KCNIP4: variants seen among roughly 807,000 people sequenced by gnomAD.
KCNIP4 encodes Kv channel-interacting protein 4.
Under a neutral mutation model 34.0 loss-of-function variants are expected in KCNIP4, and 12 were observed. The observed-to-expected ratio is 0.35, with a 90% CI of 0.23 to 0.57. KCNIP4 has a LOEUF of 0.57. KCNIP4 is among the 20% of genes least tolerant of loss of function. KCNIP4 has a pLI of 0.83. For synonymous variants in KCNIP4, 124 were observed against 102.2 expected (o/e 1.21, Z -1.29); for missense variants, 238 against 311.7 (o/e 0.76, Z 1.78).
intron 1 of KCNIP4, among the ~76,000 whole-genome samples, chr4:20,941,831 A>C (rs1234810360): frequency 1.3e-5 from 2 of 152,200 alleles, no homozygotes; most frequent in African/African-American, 2.4e-5. Flanking sequence ...TATTACAATA[A>C]ATTTTCATCC....
At chr4:21,326,637 C>A (rs1715095103) in intron 1 of KCNIP4, among the ~76,000 whole-genome samples, 1 of 151,452 alleles carries the variant, frequency 6.6e-6, no homozygotes, top group Admixed American at 6.6e-5. Context: ...CATTTACATT[C>A]AAGGTTATCA....
chr4:21,586,801 T>C (rs1273561241), intron 1 of KCNIP4, among the ~76,000 whole-genome samples: 1 of 151,986 alleles, frequency 6.6e-6, no homozygotes, highest in Non-Finnish European at 1.5e-5. Context: ...GATTCTTCCA[T>C]AGTAAGGGAA....
intron 1 of KCNIP4, among the ~76,000 whole-genome samples, chr4:21,687,652 G>T (rs1040321748): frequency 6.6e-6 from 1 of 152,208 alleles, no homozygotes; most frequent in Admixed American, 6.5e-5. Flanking sequence ...GTGTGGGACA[G>T]TTTGGATTTG....
At chr4:21,038,055 G>A (rs1741611381) in intron 1 of KCNIP4, among the ~76,000 whole-genome samples, 1 of 152,126 alleles carries the variant, frequency 6.6e-6, no homozygotes. Context: ...GCAGCTCACT[G>A]CAACCTCTAC....
chr4:21,135,955 T>C (rs1751465109), intron 1 of KCNIP4, among the ~76,000 whole-genome samples: 1 of 152,224 alleles, frequency 6.6e-6, no homozygotes, highest in South Asian at 2.1e-4. Flanking sequence ...TAATTGGCAG[T>C]CAGTCATAAC....
chr4:21,222,177 C>A (rs1758026536), intron 1 of KCNIP4, among the ~76,000 whole-genome samples: 1 of 152,132 alleles, frequency 6.6e-6, no homozygotes, highest in Non-Finnish European at 1.5e-5. Context: ...AGGATAACCC[C>A]AAAGAGATAA....
intron 3 of KCNIP4, among the ~76,000 whole-genome samples, chr4:20,777,064 T>G (rs1756437989): frequency 6.6e-6 from 1 of 152,220 alleles, no homozygotes; most frequent in Non-Finnish European, 1.5e-5. Flanking sequence ...GGTGTGTTAG[T>G]TCATTCTCAG....
intron 1 of KCNIP4, among the ~76,000 whole-genome samples, chr4:21,073,250 T>G (rs1745148080): frequency 6.6e-6 from 1 of 152,230 alleles, no homozygotes; most frequent in Non-Finnish European, 1.5e-5. Flanking sequence ...ATGGCCATTT[T>G]CATGATATTG....
intron 1 of KCNIP4, among the ~76,000 whole-genome samples, chr4:21,484,257 C>T (rs1577441236): frequency 6.6e-6 from 1 of 151,692 alleles, no homozygotes; most frequent in Admixed American, 6.6e-5. Context: ...TGAAACCCCA[C>T]CTCTAGTACA....
rs556634917 is a variant in KCNIP4 at position 21,603,698 on chromosome 4, T to TA, written c.61+344872dup. Reference sequence around the variant, plus strand: ...GACAATTAAAAGTAAGTAGCAATGATAAAAAAAAAAATCCAGTTAAATGAA... The same window carrying TA: ...GACAATTAAAAGTAAGTAGCAATGATAAAAAAAAAAAATCCAGTTAAATGAA... On this transcript the variant is annotated intron_variant, in intron 1 of 8. Transcript: ENST00000382152. Among the ~76,000 whole-genome samples, 1,190 of 148,662 alleles carry TA rather than the reference T, an allele frequency of 8.0e-3. 22 individuals are homozygous for TA. Among genetic ancestry groups the TA allele is most frequent in the South Asian group, 0.06 (286 of 4,732 alleles).
At chr4:21,199,237 G>A (rs1433283643) in intron 1 of KCNIP4, among the ~76,000 whole-genome samples, 2 of 152,154 alleles carry the variant, frequency 1.3e-5, no homozygotes, top group African/African-American at 4.8e-5. Flanking sequence ...AGCATCTGTT[G>A]TTTCCTGACT....
intron 1 of KCNIP4, among the ~76,000 whole-genome samples, chr4:21,469,556 G>A (rs1410186350): frequency 1.3e-5 from 2 of 152,062 alleles, no homozygotes; most frequent in South Asian, 2.1e-4. Flanking sequence ...CAATGAAAAC[G>A]TTTTGTACAA....
At chr4:21,041,731 C>A (rs79485945) in intron 1 of KCNIP4, among the ~76,000 whole-genome samples, 1 of 152,126 alleles carries the variant, frequency 6.6e-6, no homozygotes, top group Non-Finnish European at 1.5e-5. Context: ...TGGATAGTCA[C>A]TAGAAGAAAA....
rs140161025 is a variant in KCNIP4 at position 21,775,415 on chromosome 4, C to T, written c.61+173156G>A. 3.0e-3 allele frequency among the ~76,000 whole-genome samples: 453 copies of T among 152,304 alleles called. 1 individual carries two copies. The highest frequency in any genetic ancestry group is 5.6e-3 in the Non-Finnish European group (382 of 68,022). On this transcript the variant is annotated intron_variant, in intron 1 of 8. Transcript: ENST00000382152. ...TGTTCCTGTATAGGGTATCTGACAA[C>T]CCCTGTTGGAAGTCCTCACCCAGCT...
chr4:20,810,352 G>A (rs1316823881), intron 3 of KCNIP4, among the ~76,000 whole-genome samples: 1 of 151,222 alleles, frequency 6.6e-6, no homozygotes, highest in Non-Finnish European at 1.5e-5. Flanking sequence ...ATGACCTCAG[G>A]TCAGAGACAA....
intron 1 of KCNIP4, among the ~76,000 whole-genome samples, chr4:20,923,604 A>G (rs924084684): frequency 5.3e-5 from 8 of 152,190 alleles, no homozygotes; most frequent in African/African-American, 9.6e-5. Context: ...AAGATTATAT[A>G]CTAGAGAACC....
chr4:21,549,443 C>A (rs973174434), intron 1 of KCNIP4, among the ~76,000 whole-genome samples: 1 of 151,744 alleles, frequency 6.6e-6, no homozygotes, highest in Non-Finnish European at 1.5e-5. Context: ...ACTGTGACAT[C>A]TGGTTGTTTA....
intron 1 of KCNIP4, among the ~76,000 whole-genome samples, chr4:21,095,690 T>G (rs1032829048): frequency 3.3e-5 from 5 of 152,130 alleles, no homozygotes; most frequent in African/African-American, 4.8e-5. Context: ...ATTAGAAAAA[T>G]TTTAGTTTTT....
intron 1 of KCNIP4, among the ~76,000 whole-genome samples, chr4:21,093,339 A>G (rs1747163344): frequency 6.6e-6 from 1 of 152,236 alleles, no homozygotes; most frequent in African/African-American, 2.4e-5. Context: ...CTTTACTCGT[A>G]TTCCAGTAAT....
Sources: gnomAD v4.1 joint callset for allele counts (sites outside exome capture counted in the v4.1 genomes callset) on GRCh38, gnomAD v4.1.1 for gene constraint, MANE v1.5 for transcripts, NCBI Gene and HGNC (gene_info 2026-07-23, HGNC 2026-07-21) for gene names.